The following GJA1 variants were observed in gnomAD, a reference collection of about 807,000 sequenced individuals.
The protein encoded by GJA1 is gap junction alpha-1 protein.
Under a neutral mutation model 31.0 loss-of-function variants are expected in GJA1, and 9 were observed. The observed-to-expected ratio is 0.29, with a 90% confidence interval of 0.17 to 0.51. The LOEUF is 0.51. Among genes scored for constraint, GJA1 ranks in the 20% least tolerant of loss-of-function variants. The pLI is 0.98. For synonymous variants in GJA1, 186 were observed against 180.1 expected, an observed-to-expected ratio of 1.03 and a Z score of -0.26; for missense variants, 278 against 468.8, an observed-to-expected ratio of 0.59 and a Z score of 3.76.
rs139202281 is a variant in GJA1, at chr6:121,436,912, T to A, written c.-17+1080T>A. Among the ~76,000 whole-genome samples, 1,083 of 152,348 alleles carry A rather than the reference T, an allele frequency of 7.1e-3. 3 individuals are homozygous for A. The highest frequency in any genetic ancestry group is 0.02 in the Middle Eastern group (6 of 294). On this transcript the variant is annotated intron_variant, in intron 1 of 1. Coordinates refer to ENST00000282561, the MANE Select transcript of GJA1 (RefSeq NM_000165.5). The stretch of plus-strand genomic sequence containing the variant: ...ACTTTTATTGGTAACACCCATTCTG[T>A]TCATCAGAAATGCAGCCATGCATTT...
intron 1 of GJA1, among the ~76,000 whole-genome samples, chr6:121,441,209 C>G (rs1358401976): frequency 6.6e-6 from 1 of 152,176 alleles, no homozygotes; most frequent in Non-Finnish European, 1.5e-5. Context: ...GCCTCGGCCT[C>G]CCAAAGTGCT....
chr6:121,445,535 C>T lies in GJA1; in HGVS notation c.-16-1297C>T, dbSNP rs143367216. Among the ~76,000 whole-genome samples, 287 of 152,134 alleles carry T rather than the reference C, an allele frequency of 1.9e-3. 4 individuals carry two copies. The highest frequency in any genetic ancestry group is 6.5e-3 in the African/African-American group (268 of 41,500). On this transcript the variant is annotated intron_variant, in intron 1 of 1. Transcript: ENST00000282561. Reference sequence around the variant, plus strand: ...ATAAGAAGTTAAATGGGATGTATAGCCTGAGGGTCCAAAGCCCAGTAAGGG... The same window carrying T: ...ATAAGAAGTTAAATGGGATGTATAGTCTGAGGGTCCAAAGCCCAGTAAGGG...
chr6:121,436,184 TGG>T lies in GJA1; in HGVS notation c.-17+361_-17+362del, dbSNP rs11333433. 4.0e-4 allele frequency among the ~76,000 whole-genome samples: 12 copies of T among 29,888 alleles called. 1 individual carries two copies. The highest frequency in any genetic ancestry group is 3.1e-3 in the East Asian group (3 of 974). The allele number at this position is 29,888 out of a possible 152,430, so 19.6% of individuals were successfully genotyped here. ...AGTCTAGGTGCTATCATTTGTTGGG[TGG>T]GGGGGGGGCGGTTAGGCGCCTGGGT... On this transcript the variant is annotated intron_variant, in intron 1 of 1. Transcript: ENST00000282561.
intron 1 of GJA1, among the ~76,000 whole-genome samples, chr6:121,437,104 C>T (rs1472362643): frequency 6.6e-6 from 1 of 152,302 alleles, no homozygotes; most frequent in African/African-American, 2.4e-5. Context: ...CGCGGGGCGC[C>T]TCCTGCCATC....
At chr6:121,445,580 A>G (rs1383974246) in intron 1 of GJA1, among the ~76,000 whole-genome samples, 1 of 112,370 alleles carries the variant, frequency 8.9e-6, no homozygotes, top group Non-Finnish European at 2.0e-5. Flanking sequence ...GTATATAACA[A>G]TGAAAGATGA....
chr6:121,437,691 T>C (rs1773693551), intron 1 of GJA1, among the ~76,000 whole-genome samples: 1 of 152,084 alleles, frequency 6.6e-6, no homozygotes, highest in Non-Finnish European at 1.5e-5. Flanking sequence ...TAAGCTCTCC[T>C]TGCTCCCAAA....
chr6:121,437,126 C>T (rs1224376031), intron 1 of GJA1, among the ~76,000 whole-genome samples: 6 of 152,290 alleles, frequency 3.9e-5, no homozygotes, highest in Middle Eastern at 3.4e-3. Flanking sequence ...TAGCGTCTGC[C>T]GGGATCCTTC....
At chr6:121,438,022 A>G (rs1482592602) in intron 1 of GJA1, among the ~76,000 whole-genome samples, 1 of 151,794 alleles carries the variant, frequency 6.6e-6, no homozygotes. Flanking sequence ...GAAATAAGCC[A>G]GTTAGACAGA....
At chr6:121,436,902 A>G (rs1404928509) in intron 1 of GJA1, among the ~76,000 whole-genome samples, 4 of 152,126 alleles carry the variant, frequency 2.6e-5, no homozygotes, top group Non-Finnish European at 4.4e-5. Context: ...TATTGGTAAC[A>G]CCCATTCTGT....
At chr6:121,444,067 A>G (rs1245731914) in intron 1 of GJA1, among the ~76,000 whole-genome samples, 1 of 152,018 alleles carries the variant, frequency 6.6e-6, no homozygotes, top group Non-Finnish European at 1.5e-5. Context: ...GCTAAATTGT[A>G]GGGTTTTTTT....
At chr6:121,443,308 C>T (rs1161059390) in intron 1 of GJA1, among the ~76,000 whole-genome samples, 2 of 152,086 alleles carry the variant, frequency 1.3e-5, no homozygotes, top group Non-Finnish European at 2.9e-5. Context: ...TCACATTAAA[C>T]ATTATTTGAT....
At position 121,447,290 on chromosome 6, in the gene GJA1, G is replaced by A. The variant is rs962041031; in HGVS notation, c.443G>A (p.Arg148Gln). The A allele has an allele frequency of 6.2e-7, 1 of 1,613,986 alleles. No individual in the cohort carries two copies. ...GAAGAGCATGGTAAGGTGAAAATGC[G>A]AGGGGGGTTGCTGCGAACCTACATC... ...GIEEHGKVKM[R>Q]GGLLRTYIIS... Residue 148 changes from arginine (R) to glutamine (Q), a missense_variant, in exon 2 of 2, where the codon CGA (arginine) becomes CAA (glutamine). Physicochemically the swap from Arg to Gln is conservative, Grantham distance 43 (BLOSUM62 1). Transcript: ENST00000282561.
chr6:121,437,865 A>G (rs1773695617), intron 1 of GJA1, among the ~76,000 whole-genome samples: 1 of 152,164 alleles, frequency 6.6e-6, no homozygotes, highest in Non-Finnish European at 1.5e-5. Context: ...TCGCCCTCCG[A>G]AAATCGGGCG....
chr6:121,436,180 T>G, intron 1 of GJA1, among the ~76,000 whole-genome samples: 1 of 15,280 alleles, frequency 6.5e-5, no homozygotes, highest in Non-Finnish European at 1.1e-4. Flanking sequence ...TATCATTTGT[T>G]GGGTGGGGGG....
intron 1 of GJA1, among the ~76,000 whole-genome samples, chr6:121,439,674 TTCCCA>T (rs1324264404): frequency 2.0e-5 from 3 of 152,126 alleles, no homozygotes; most frequent in African/African-American, 7.2e-5. Context: ...CACACCTCAA[TTCCCA>T]TCTCATCTCA....
chr6:121,439,240 GGTC>G (rs1260945537), intron 1 of GJA1, among the ~76,000 whole-genome samples: 1 of 152,088 alleles, frequency 6.6e-6, no homozygotes, highest in Non-Finnish European at 1.5e-5. Context: ...TATATCTAAA[GGTC>G]GTCTAAAGAG....
chr6:121,448,449 G>A lies in GJA1; in HGVS notation c.*453G>A, dbSNP rs1049776092. ...GTCTTTTCAACAAGAAAAAGACAGA[G>A]GATTGTCCTTAAGTCCCTGCTAAAA... On this transcript the variant is annotated 3_prime_UTR_variant, in exon 2 of 2. Coordinates refer to ENST00000282561, the MANE Select transcript of GJA1 (RefSeq NM_000165.5). 6 of 212,126 alleles carry A rather than the reference G, an allele frequency of 2.8e-5. No homozygotes were observed. The highest frequency in any genetic ancestry group is 6.4e-5 in the Non-Finnish European group (6 of 94,356). 13.1% of individuals were successfully genotyped at this position (212,126 alleles called of 1,614,324 possible). A position where few individuals can be genotyped will look rare whatever the true frequency, so the allele number is the denominator to read the frequency against.
intron 1 of GJA1, among the ~76,000 whole-genome samples, chr6:121,442,445 G>A (rs1470649511): frequency 6.6e-6 from 1 of 152,178 alleles, no homozygotes; most frequent in African/African-American, 2.4e-5. Flanking sequence ...GGAGATGTAA[G>A]GAGTGACAAG....
rs1773923750 is a variant in GJA1 at position 121,448,240 on chromosome 6, CT to C, written c.*246del. On this transcript the variant is annotated 3_prime_UTR_variant, in exon 2 of 2. Transcript: ENST00000282561. ...TATTTAAAGTAGTGGATTCAAAGAACTTAGATTATAAATAAGAGTTCCATTA... is the reference window on the plus strand; with the variant it reads ...TATTTAAAGTAGTGGATTCAAAGAACTAGATTATAAATAAGAGTTCCATTA... 1 of 567,902 alleles carries C rather than the reference CT, an allele frequency of 1.8e-6. No homozygotes were observed. The highest frequency in any genetic ancestry group is 2.1e-5 in the South Asian group (1 of 48,396). 35.2% of individuals were successfully genotyped at this position (567,902 alleles called of 1,614,324 possible).
Sources: allele counts gnomAD v4.1 joint callset (sites outside exome capture counted in the v4.1 genomes callset), GRCh38; gene constraint gnomAD v4.1.1; transcripts MANE v1.5; gene names NCBI Gene and HGNC (gene_info 2026-07-23, HGNC 2026-07-21).